PRELID2: variants seen among roughly 807,000 people sequenced by gnomAD.
PRELID2 encodes PRELI domain containing 2.
PRELID2 carries 25 observed loss-of-function variants against 28.4 expected under a neutral mutation model. The observed-to-expected ratio is 0.88, with a 90% CI of 0.64 to 1.23. The LOEUF (loss-of-function observed/expected upper bound fraction) is 1.23. Among genes scored for constraint, PRELID2 ranks in the 50% most tolerant of loss-of-function variants. The pLI, the probability that PRELID2 is intolerant of heterozygous loss-of-function variation, is 0.00. For missense variants in PRELID2, 201 were observed against 214.4 expected, an observed-to-expected ratio of 0.94 and a Z score of 0.39; for synonymous variants, 76 against 71.6, an observed-to-expected ratio of 1.06 and a Z score of -0.31.
intron 1 of PRELID2, among the ~76,000 whole-genome samples, chr5:145,703,057 T>C (rs143675412): frequency 1.3e-5 from 2 of 152,296 alleles, no homozygotes; most frequent in African/African-American, 2.4e-5. Context: ...TGGGTCCAAG[T>C]TGGAAGCTAG....
At chr5:145,789,941 T>G (rs1196505681) in intron 5 of PRELID2, among the ~76,000 whole-genome samples, 6 of 151,992 alleles carry the variant, frequency 3.9e-5, no homozygotes, top group Non-Finnish European at 7.4e-5. Context: ...AAAACCACAA[T>G]GAGATATCAC....
chr5:145,518,673 T>C (rs1752539536), intron 1 of PRELID2, among the ~76,000 whole-genome samples: 1 of 152,222 alleles, frequency 6.6e-6, no homozygotes, highest in African/African-American at 2.4e-5. Flanking sequence ...GTGATATCTC[T>C]GCTGTGTGGA....
chr5:145,528,667 G>A (rs1201759986), intron 1 of PRELID2, among the ~76,000 whole-genome samples: 1 of 148,060 alleles, frequency 6.8e-6, no homozygotes, highest in African/African-American at 2.5e-5. Flanking sequence ...TTCTGCTTTG[G>A]GCCGTTTCAC....
chr5:145,556,938 T>C (rs1281179442), intron 1 of PRELID2, among the ~76,000 whole-genome samples: 2 of 152,142 alleles, frequency 1.3e-5, no homozygotes, highest in Non-Finnish European at 2.9e-5. Flanking sequence ...CCTTTTCTCA[T>C]CTCTCTGACA....
intron 1 of PRELID2, among the ~76,000 whole-genome samples, chr5:145,514,063 G>A (rs997914137): frequency 2.6e-5 from 4 of 152,032 alleles, no homozygotes; most frequent in Admixed American, 6.5e-5. Flanking sequence ...AAAGACCATC[G>A]ACACTATGAA....
Position 145,629,996 on chromosome 5 carries a change from G to A in PRELID2, n.70+134935C>T, listed in dbSNP as rs1321011249. On this transcript the variant is annotated intron_variant and non_coding_transcript_variant, in intron 1 of 2. Coordinates refer to the PRELID2 transcript ENST00000510259. ...GAAAACAAGGCATTTAAGCTTTAAT[G>A]GGGATGAAAGATTCAAGACATTTCT... Among the ~76,000 whole-genome samples, 3 of 152,176 alleles carry A rather than the reference G, an allele frequency of 2.0e-5. No individual in the cohort carries two copies. In the East Asian group the frequency reaches 5.8e-4, roughly 29 times the overall value.
At chr5:145,607,573 G>A (rs747467658) in intron 1 of PRELID2, among the ~76,000 whole-genome samples, 9 of 152,052 alleles carry the variant, frequency 5.9e-5, no homozygotes, top group Middle Eastern at 3.4e-3. Context: ...TTTTAGTATC[G>A]ATTTCTATTT....
intron 1 of PRELID2, among the ~76,000 whole-genome samples, chr5:145,534,236 A>AT (rs1169441443): frequency 6.6e-6 from 1 of 152,000 alleles, no homozygotes; most frequent in East Asian, 1.9e-4. Flanking sequence ...ACAGGCAAGC[A>AT]TTTTTTATAT....
intron 1 of PRELID2, among the ~76,000 whole-genome samples, chr5:145,655,575 T>C (rs10063721): frequency 0.072 from 10,939 of 151,996 alleles, 1,006 homozygotes; most frequent in African/African-American, 0.22. Context: ...GAACAGAATA[T>C]AGCCCTCAGA....
chr5:145,445,157 A>C, the PRELID2 span, among the ~76,000 whole-genome samples: 1 of 151,624 alleles, frequency 6.6e-6, no homozygotes, highest in Non-Finnish European at 1.5e-5. Context: ...TAAACAAAAG[A>C]GCATGACACT....
chr5:145,438,159 C>G, the PRELID2 span, among the ~76,000 whole-genome samples: 1 of 152,182 alleles, frequency 6.6e-6, no homozygotes, highest in African/African-American at 2.4e-5. Context: ...AAAAAAAGTT[C>G]ATTTAAATAC....
chr5:145,824,425 C>CGTGTGTGTGT (rs369429281), intron 1 of PRELID2, among the ~76,000 whole-genome samples: 1,091 of 96,222 alleles, frequency 0.011, 16 homozygotes, highest in South Asian at 0.021. Context: ...CCACAGCAGG[C>CGTGTGTGTGT]GTGTGTGTGT....
intron 1 of PRELID2, among the ~76,000 whole-genome samples, chr5:145,530,967 C>T (rs1752650244): frequency 6.6e-6 from 1 of 152,026 alleles, no homozygotes; most frequent in Non-Finnish European, 1.5e-5. Flanking sequence ...CTCTCCAGGT[C>T]CTGGTATAGT....
At chr5:145,493,213 C>T (rs1278287823) in intron 1 of PRELID2, among the ~76,000 whole-genome samples, 3 of 95,760 alleles carry the variant, frequency 3.1e-5, no homozygotes, top group Admixed American at 1.1e-4. Flanking sequence ...ACTCCACCAT[C>T]TTGCTCCCAG....
downstream of PRELID2, among the ~76,000 whole-genome samples, chr5:145,466,932 T>C (rs970280155): frequency 6.6e-6 from 1 of 152,076 alleles, no homozygotes; most frequent in African/African-American, 2.4e-5. Context: ...GAAAAATTAA[T>C]CTAGTACCAA....
the PRELID2 span, among the ~76,000 whole-genome samples, chr5:145,465,706 C>A: frequency 5.3e-5 from 8 of 152,132 alleles, no homozygotes; most frequent in East Asian, 1.5e-3. Context: ...TAGAACAGTG[C>A]CAAACAGTGA....
At chr5:145,487,825 A>G (rs903406577) in intron 1 of PRELID2, among the ~76,000 whole-genome samples, 1 of 152,012 alleles carries the variant, frequency 6.6e-6, no homozygotes, top group African/African-American at 2.4e-5. Flanking sequence ...AGACATAAAA[A>G]TCAAGAAATG....
chr5:145,600,435 AT>A (rs199784465), intron 1 of PRELID2, among the ~76,000 whole-genome samples: 1,308 of 115,064 alleles, frequency 0.011, 12 homozygotes, highest in East Asian at 0.021. Context: ...AAAAAAAAAA[AT>A]ATATATATAT....
At chr5:145,260,156 C>A in the PRELID2 span, among the ~76,000 whole-genome samples, 9 of 152,178 alleles carry the variant, frequency 5.9e-5, no homozygotes, top group South Asian at 1.0e-3. Context: ...TTTCCTGACA[C>A]CTTTCCAGAA....
Sources: allele counts gnomAD v4.1 joint callset (sites outside exome capture counted in the v4.1 genomes callset), GRCh38; gene constraint gnomAD v4.1.1; transcripts MANE v1.5; gene names NCBI Gene and HGNC (gene_info 2026-07-23, HGNC 2026-07-21).